The following CNGA1 variants were observed in gnomAD, a reference collection of about 807,000 sequenced individuals.
CNGA1 encodes cyclic nucleotide gated channel subunit alpha 1.
CNGA1 carries 53 observed loss-of-function variants against 69.7 expected under a neutral mutation model. That is an observed-to-expected ratio of 0.76 (90% confidence interval 0.61 to 0.96). The LOEUF (loss-of-function observed/expected upper bound fraction) is 0.96, where lower values mean the gene tolerates loss of function less well. Among genes scored for constraint, CNGA1 ranks in the 40% least tolerant of loss-of-function variants. CNGA1 has a pLI of 0.00. For missense variants in CNGA1, 739 were observed against 811.2 expected, an observed-to-expected ratio of 0.91 and a Z score of 1.08; for synonymous variants, 249 against 283.5, an observed-to-expected ratio of 0.88 and a Z score of 1.22.
At chr4:48,003,582 TATGA>T (rs1714759396) in intron 2 of CNGA1, among the ~76,000 whole-genome samples, 1 of 152,212 alleles carries the variant, frequency 6.6e-6, no homozygotes, top group Non-Finnish European at 1.5e-5. Flanking sequence ...TATGATTATA[TATGA>T]ATATTATTAA....
At chr4:47,980,613 T>C (rs1270990215) in intron 3 of CNGA1, among the ~76,000 whole-genome samples, 2 of 151,750 alleles carry the variant, frequency 1.3e-5, no homozygotes, top group African/African-American at 2.4e-5. Context: ...TAGCTGGGAC[T>C]ACAAACACAT....
chr4:47,980,009 T>C lies in CNGA1; in HGVS notation c.-15+1384A>G, dbSNP rs1052265851. Among the ~76,000 whole-genome samples, 4 of 152,378 alleles carry C rather than the reference T, an allele frequency of 2.6e-5. No homozygotes were observed. The East Asian group carries it at 7.7e-4, about 29-fold the overall frequency. On this transcript the variant is annotated intron_variant, in intron 3 of 10. Transcript: ENST00000514170. ...ATAGTTTTTTGCTTTACTGAGATTA[T>C]TTTTGTTAACAATGTTTGTAAATGA...
rs112267417 is a variant in CNGA1 at position 47,990,673 on chromosome 4, C to T, written c.-122-9173G>A. 8.1e-4 allele frequency among the ~76,000 whole-genome samples: 124 copies of T among 152,206 alleles called. 1 individual carries two copies. The highest frequency in any genetic ancestry group is 2.6e-3 in the African/African-American group (110 of 41,538). Reference sequence around the variant, plus strand: ...ATAAAAACTTGCTGATTTTGCGGCTCGGCGTCACCATCATGGTCCTACTAA... The same window carrying T: ...ATAAAAACTTGCTGATTTTGCGGCTTGGCGTCACCATCATGGTCCTACTAA... On this transcript the variant is annotated intron_variant, in intron 2 of 10. Transcript: ENST00000514170.
intron 3 of CNGA1, among the ~76,000 whole-genome samples, chr4:47,967,267 C>T (rs1740774885): frequency 6.6e-6 from 1 of 152,112 alleles, no homozygotes; most frequent in Non-Finnish European, 1.5e-5. Flanking sequence ...CTTGCCACTG[C>T]ACTCCTGCCT....
At chr4:48,007,659 A>C (rs550133597) in intron 2 of CNGA1, among the ~76,000 whole-genome samples, 1 of 74,794 alleles carries the variant, frequency 1.3e-5, no homozygotes, top group Non-Finnish European at 3.2e-5. Context: ...TGGATGTAAT[A>C]ACCTTAACTT....
intron 3 of CNGA1, among the ~76,000 whole-genome samples, chr4:47,963,013 G>A (rs1405363501): frequency 4.0e-5 from 6 of 151,756 alleles, no homozygotes; most frequent in African/African-American, 1.2e-4. Flanking sequence ...GCTGGAATGC[G>A]GTGGTGTGAT....
At chr4:47,976,340 CAT>C (rs1236285137) in intron 3 of CNGA1, among the ~76,000 whole-genome samples, 3,618 of 22,564 alleles carry the variant, frequency 0.16, 711 homozygotes, top group East Asian at 0.45. Flanking sequence ...TATATATACA[CAT>C]ATATATATAT....
rs191636198 is a variant in CNGA1 at position 47,964,945 on chromosome 4, C to T, written c.-14-12242G>A. Among the ~76,000 whole-genome samples, 98 of 152,194 alleles carry T rather than the reference C, an allele frequency of 6.4e-4. 2 individuals carry two copies. In the East Asian group the frequency reaches 0.018, roughly 28 times the overall value. On this transcript the variant is annotated intron_variant, in intron 3 of 10. Transcript: ENST00000514170. ...TTATTCTTATTTATTTTGAAACTGA[C>T]CACATTACTGGCCTTTACAACATTT...
chr4:47,954,544 A>G (rs1434072740), intron 3 of CNGA1, among the ~76,000 whole-genome samples: 2 of 152,012 alleles, frequency 1.3e-5, no homozygotes, highest in Non-Finnish European at 2.9e-5. Context: ...GAATCAGAAA[A>G]CCTTCCCATT....
intron 3 of CNGA1, among the ~76,000 whole-genome samples, chr4:47,969,751 T>G (rs549402457): frequency 7.2e-5 from 11 of 152,258 alleles, no homozygotes; most frequent in Admixed American, 4.6e-4. Flanking sequence ...ATTACAGGAA[T>G]AAGCCACCAC....
At chr4:48,003,669 A>T (rs1460123894) in intron 2 of CNGA1, among the ~76,000 whole-genome samples, 1 of 152,192 alleles carries the variant, frequency 6.6e-6, no homozygotes, top group Non-Finnish European at 1.5e-5. Flanking sequence ...AACCTAGGAA[A>T]AACCAGGCCA....
Position 47,951,341 on chromosome 4 carries a change from C to A in CNGA1, c.224+12G>T. ...TAAAAACAAGCACCAAGGGATGGAT[C>A]ATACTGCTCACCTCTGTGATGGTCC... On this transcript the variant is annotated intron_variant, in intron 5 of 10. Transcript: ENST00000514170. The A allele has an allele frequency of 6.6e-7, 1 of 1,522,180 alleles. No individual in the cohort carries two copies. The highest frequency in any genetic ancestry group is 1.1e-5 in the South Asian group (1 of 89,230). The allele number at this position is 1,522,180 out of a possible 1,614,324, so 94.3% of individuals were successfully genotyped here.
chr4:47,958,616 C>T (rs1048689958), intron 3 of CNGA1, among the ~76,000 whole-genome samples: 5 of 137,496 alleles, frequency 3.6e-5, no homozygotes, highest in South Asian at 2.3e-4. Flanking sequence ...AGCAAGACTC[C>T]GCCTCAAAAA....
In CNGA1 at chr4:47,937,109, C is replaced by G; in HGVS notation, c.1373G>C (p.Arg458Thr). The part of the protein sequence containing the change: ...EVLKYLPDKL[R>T]AEIAINVHLD... ...GTGAACGTTGATGGCAATTTCTGCT[C>G]TTAGTTTATCAGGTAGATACTTTAA... Residue 458 changes from arginine (R) to threonine (T), a missense_variant, in exon 11 of 11, where the codon AGA becomes ACA. Coordinates refer to ENST00000514170, the MANE Select transcript of CNGA1 (RefSeq NM_001379270.1). 6.2e-7 allele frequency: 1 copy of G among 1,614,162 alleles called. No individual in the cohort carries two copies. Among genetic ancestry groups the G allele is most frequent in the East Asian group, 2.2e-5 (1 of 44,882 alleles).
At chr4:47,949,929 T>TA in intron 5 of CNGA1, 34 bp from the exon 6 acceptor site, 1 of 1,589,448 alleles carries the variant, frequency 6.3e-7, no homozygotes, top group South Asian at 1.1e-5. Flanking sequence ...GAAATCACAG[T>TA]AGTCACCATC....
chr4:47,955,357 A>G (rs775145651), intron 3 of CNGA1, among the ~76,000 whole-genome samples: 9 of 151,154 alleles, frequency 6.0e-5, no homozygotes, highest in Non-Finnish European at 1.0e-4. Context: ...TAATTTTTGT[A>G]TTTTTACTAG....
intron 2 of CNGA1, among the ~76,000 whole-genome samples, chr4:47,992,041 C>A (rs1742293052): frequency 6.6e-6 from 1 of 152,056 alleles, no homozygotes; most frequent in South Asian, 2.1e-4. Flanking sequence ...TATTTTTATG[C>A]CAGTATCATG....
chr4:47,944,683 G>A (rs748723249), intron 6 of CNGA1, among the ~76,000 whole-genome samples: 1 of 152,196 alleles, frequency 6.6e-6, no homozygotes, highest in Non-Finnish European at 1.5e-5. Context: ...AAGTGATGTG[G>A]AATGGGCTGG....
chr4:47,939,017 GA>G lies in CNGA1; in HGVS notation c.653-1189del, dbSNP rs1256984169. ...AGAGAAAGAAAGAAAGAAAGAGAAAGAAGAAAGAAAGAAAGAGAAAGAAAGA... is the reference window on the plus strand; with the variant it reads ...AGAGAAAGAAAGAAAGAAAGAGAAAGAGAAAGAAAGAAAGAGAAAGAAAGA... On this transcript the variant is annotated intron_variant, in intron 10 of 10. Transcript: ENST00000514170. Among the ~76,000 whole-genome samples, 192 of 149,760 alleles carry G rather than the reference GA, an allele frequency of 1.3e-3. 1 individual carries two copies. Among genetic ancestry groups the G allele is most frequent in the African/African-American group, 4.4e-3 (180 of 40,610 alleles).
Sources: gnomAD v4.1 joint callset for allele counts (sites outside exome capture counted in the v4.1 genomes callset) on GRCh38, gnomAD v4.1.1 for gene constraint, MANE v1.5 for transcripts, NCBI Gene and HGNC (gene_info 2026-07-23, HGNC 2026-07-21) for gene names.